MAP2: variants seen among roughly 807,000 people sequenced by gnomAD.
The protein encoded by MAP2 is microtubule associated protein 2.
MAP2 carries 14 observed loss-of-function variants against 137.6 expected under a neutral mutation model. The ratio of observed to expected loss-of-function variants is 0.10; its 90% CI spans 0.07 to 0.16. The LOEUF is 0.16. Among genes scored for constraint, MAP2 ranks in the 10% least tolerant of loss-of-function variants. The pLI, the probability that MAP2 is intolerant of heterozygous loss-of-function variation, is 1.00. For synonymous variants in MAP2, 786 were observed against 782.3 expected (o/e 1.00, Z -0.08); for missense variants, 2,088 against 2,191.5 (o/e 0.95, Z 0.94).
intron 2 of MAP2, among the ~76,000 whole-genome samples, chr2:209,510,932 A>G (rs2061650248): frequency 6.6e-6 from 1 of 152,056 alleles, no homozygotes; most frequent in Non-Finnish European, 1.5e-5. Context: ...TGAGGACCCT[A>G]AGGAATGGGA....
chr2:209,719,364 G>A (rs150059681), intron 13 of MAP2, among the ~76,000 whole-genome samples: 1 of 152,334 alleles, frequency 6.6e-6, no homozygotes, highest in Non-Finnish European at 1.5e-5. Context: ...AAAGAGAGCA[G>A]TGTTAGAGTC....
At chr2:209,491,995 A>G (rs2059168608) in intron 1 of MAP2, among the ~76,000 whole-genome samples, 1 of 152,210 alleles carries the variant, frequency 6.6e-6, no homozygotes, top group South Asian at 2.1e-4. Context: ...ACAACTAAAC[A>G]AGAACATTTC....
intron 5 of MAP2, among the ~76,000 whole-genome samples, chr2:209,677,756 C>A (rs1315333987): frequency 6.6e-6 from 1 of 151,726 alleles, no homozygotes; most frequent in Non-Finnish European, 1.5e-5. Context: ...TAATTTTGAG[C>A]CCTCCTTTTA....
Position 209,694,876 on chromosome 2 carries a change from T to C in MAP2, c.2706T>C (p.Asp902=), listed in dbSNP as rs774081028. 1.2e-6 allele frequency: 2 copies of C among 1,614,170 alleles called. No individual in the cohort carries two copies. The highest frequency in any genetic ancestry group is 1.7e-6 in the Non-Finnish European group (2 of 1,180,024). The part of the protein sequence containing the change: ...ESGTFYEGTD[D]KVRRDLATDL... ...GTACCTTTTACGAAGGCACTGATGA[T>C]AAAGTTCGAAGAGATTTGGCCACAG... Residue 902 remains aspartate, a synonymous_variant, in exon 8 of 16, where the codon GAT becomes GAC. Transcript: ENST00000682079.
intron 7 of MAP2, among the ~76,000 whole-genome samples, chr2:209,682,596 G>C (rs2055131683): frequency 6.6e-6 from 1 of 152,098 alleles, no homozygotes; most frequent in Non-Finnish European, 1.5e-5. Context: ...AAAGAATAGG[G>C]AGCTTTAAAA....
At chr2:209,478,208 A>G (rs867753296) in intron 1 of MAP2, among the ~76,000 whole-genome samples, 1 of 152,324 alleles carries the variant, frequency 6.6e-6, no homozygotes, top group South Asian at 2.1e-4. Context: ...CATCAATTTT[A>G]GTGGTTAGGA....
chr2:209,723,737 T>C, intron 13 of MAP2: 1 of 1,268,272 alleles, frequency 7.9e-7, no homozygotes, highest in Non-Finnish European at 1.2e-6. Context: ...TGGAGCCACC[T>C]GCACAGCCAG....
intron 5 of MAP2, among the ~76,000 whole-genome samples, chr2:209,677,101 C>T (rs1291376591): frequency 6.6e-6 from 1 of 151,678 alleles, no homozygotes; most frequent in Non-Finnish European, 1.5e-5. Context: ...AGCAGCCTGG[C>T]TTTATGAAAA....
intron 3 of MAP2, among the ~76,000 whole-genome samples, chr2:209,590,409 C>T (rs2078940764): frequency 6.6e-6 from 1 of 152,154 alleles, no homozygotes; most frequent in Non-Finnish European, 1.5e-5. Context: ...AATCTCGGCT[C>T]ACCGCAACCT....
chr2:209,449,678 T>C (rs73067004), intron 1 of MAP2, among the ~76,000 whole-genome samples: 14,397 of 152,034 alleles, frequency 0.095, 1,464 homozygotes, highest in African/African-American at 0.26. Flanking sequence ...GTAATTTGAG[T>C]GAGTTTCATC....
chr2:209,515,133 A>G (rs1177634530), intron 2 of MAP2, among the ~76,000 whole-genome samples: 1 of 151,952 alleles, frequency 6.6e-6, no homozygotes. Flanking sequence ...TACAGTCTTC[A>G]TTTTCTTTCT....
intron 2 of MAP2, among the ~76,000 whole-genome samples, chr2:209,539,340 T>G (rs2066501963): frequency 6.6e-6 from 1 of 152,216 alleles, no homozygotes; most frequent in Non-Finnish European, 1.5e-5. Flanking sequence ...GTCTAATTAA[T>G]TATATATTTA....
At chr2:209,586,390 A>G (rs2077725579) in intron 3 of MAP2, among the ~76,000 whole-genome samples, 1 of 152,160 alleles carries the variant, frequency 6.6e-6, no homozygotes, top group Non-Finnish European at 1.5e-5. Flanking sequence ...AAGGGAAAAG[A>G]GGGTGAGACT....
At chr2:209,610,054 A>G (rs1559403799) in intron 3 of MAP2, among the ~76,000 whole-genome samples, 1 of 152,182 alleles carries the variant, frequency 6.6e-6, no homozygotes, top group Non-Finnish European at 1.5e-5. Flanking sequence ...TAATCATATA[A>G]ATAAACACAA....
Position 209,706,462 on chromosome 2 carries a change from CTA to C in MAP2, c.4732+737_4732+738del, listed in dbSNP as rs372087707. ...CTAATTTAATTAGCAAGACTAATGA[CTA>C]TTATAATAATTAATAAACTCAATTC... On this transcript the variant is annotated intron_variant, in intron 12 of 15. Coordinates refer to ENST00000682079, the MANE Select transcript of MAP2 (RefSeq NM_001375505.1). Among the ~76,000 whole-genome samples the C allele has an allele frequency of 3.2e-3, 483 of 152,040 alleles. 5 individuals are homozygous for C. The highest frequency in any genetic ancestry group is 0.031 in the South Asian group (149 of 4,812).
chr2:209,713,126 TGTG>T lies in MAP2; in HGVS notation c.5073+2875_5073+2877del, dbSNP rs551816041. Reference sequence around the variant, plus strand: ...TTTAATTCCTCTGCACAGGGTCTATTGTGGTAAAATTTGAAGCAATTAGGTTGT... The same window carrying T: ...TTTAATTCCTCTGCACAGGGTCTATTGTAAAATTTGAAGCAATTAGGTTGT... On this transcript the variant is annotated intron_variant, in intron 13 of 15. Transcript: ENST00000682079. 3.3e-3 allele frequency among the ~76,000 whole-genome samples: 499 copies of T among 152,266 alleles called. 2 individuals are homozygous for T. The highest frequency in any genetic ancestry group is 0.011 in the African/African-American group (469 of 41,552).
At chr2:209,661,004 A>G (rs571137106) in intron 5 of MAP2, among the ~76,000 whole-genome samples, 88 of 151,062 alleles carry the variant, frequency 5.8e-4, no homozygotes, top group African/African-American at 2.1e-3. Context: ...TCGGCATCCC[A>G]AAGTGCTGGG....
chr2:209,527,531 C>T (rs1234675030), intron 2 of MAP2, among the ~76,000 whole-genome samples: 2 of 152,154 alleles, frequency 1.3e-5, no homozygotes, highest in Non-Finnish European at 2.9e-5. Flanking sequence ...CCACAATTCC[C>T]ATCCCACTAG....
Position 209,696,660 on chromosome 2 carries a change from C to A in MAP2, c.4299C>A (p.Thr1433=), listed in dbSNP as rs771603668. 6.2e-7 allele frequency: 1 copy of A among 1,613,738 alleles called. No homozygotes were observed. Among genetic ancestry groups the A allele is most frequent in the East Asian group, 2.2e-5 (1 of 44,834 alleles). Residue 1433 remains threonine (T), a synonymous_variant, in exon 9 of 16, where the codon ACC becomes ACA. Coordinates refer to ENST00000682079, the MANE Select transcript of MAP2 (RefSeq NM_001375505.1). ...EKHRKEKPFK[T]GRGRISTPER... Reference sequence around the variant, plus strand: ...ATAGAAAAGAAAAGCCTTTTAAAACCGGGAGAGGCAGAATTTCCACTCCTG... The same window carrying A: ...ATAGAAAAGAAAAGCCTTTTAAAACAGGGAGAGGCAGAATTTCCACTCCTG...
Sources: allele counts gnomAD v4.1 joint callset (sites outside exome capture counted in the v4.1 genomes callset), GRCh38; gene constraint gnomAD v4.1.1; transcripts MANE v1.5; gene names NCBI Gene and HGNC (gene_info 2026-07-23, HGNC 2026-07-21).